Variants in INPP4B observed in about 807,000 individuals in gnomAD.
INPP4B encodes inositol polyphosphate-4-phosphatase type II B.
In INPP4B, 55 loss-of-function variants were observed where a neutral mutation model predicts 122.5. The ratio of observed to expected loss-of-function variants is 0.45; its 90% confidence interval spans 0.36 to 0.56. The LOEUF (loss-of-function observed/expected upper bound fraction) is 0.56, where lower values mean the gene tolerates loss of function less well. Ranked by LOEUF, INPP4B falls within the 20% of genes least tolerant of loss-of-function variation. The probability of loss-of-function intolerance (pLI) is 0.00; values close to 1 mark genes in which losing one functional copy is unlikely to be tolerated. For missense variants in INPP4B, 1,000 were observed against 1,097.7 expected, an observed-to-expected ratio of 0.91 and a Z score of 1.26; for synonymous variants, 403 against 388.7, an observed-to-expected ratio of 1.04 and a Z score of -0.43.
At chr4:142,612,369 G>A (rs113293385) in intron 2 of INPP4B, among the ~76,000 whole-genome samples, 3,812 of 152,330 alleles carry the variant, frequency 0.025, 74 homozygotes, top group Non-Finnish European at 0.041. Context: ...AACACATAGT[G>A]TGTAGAGACT....
At chr4:142,262,361 A>C (rs1740517171) in intron 10 of INPP4B, among the ~76,000 whole-genome samples, 1 of 152,170 alleles carries the variant, frequency 6.6e-6, no homozygotes. Flanking sequence ...CACAAAAAGC[A>C]TGCTGCCACC....
intron 2 of INPP4B, among the ~76,000 whole-genome samples, chr4:142,486,233 C>T (rs1258198907): frequency 1.3e-5 from 2 of 152,228 alleles, no homozygotes; most frequent in South Asian, 2.1e-4. Flanking sequence ...AAGTGGTGTA[C>T]CATTTTCTAC....
intron 7 of INPP4B, among the ~76,000 whole-genome samples, chr4:142,325,333 T>C (rs1012894012): frequency 6.6e-6 from 1 of 152,172 alleles, no homozygotes; most frequent in African/African-American, 2.4e-5. Context: ...AAAAATGCCA[T>C]TTAAATATTG....
intron 2 of INPP4B, among the ~76,000 whole-genome samples, chr4:142,541,616 T>C (rs547484710): frequency 6.6e-6 from 1 of 152,356 alleles, no homozygotes; most frequent in African/African-American, 2.4e-5. Context: ...AGCTGAGCTC[T>C]TGAAATGTAT....
intron 2 of INPP4B, among the ~76,000 whole-genome samples, chr4:142,717,649 C>G (rs536085171): frequency 6.6e-6 from 1 of 151,934 alleles, no homozygotes; most frequent in African/African-American, 2.4e-5. Flanking sequence ...GACAGAAAAC[C>G]AAACACCACA....
At chr4:142,264,419 C>T (rs1369053459) in intron 10 of INPP4B, among the ~76,000 whole-genome samples, 1 of 152,140 alleles carries the variant, frequency 6.6e-6, no homozygotes, top group Admixed American at 6.5e-5. Flanking sequence ...CATAATGCAA[C>T]ATTCATCTAC....
chr4:142,057,636 T>C (rs1283882200), intron 25 of INPP4B, among the ~76,000 whole-genome samples: 2 of 152,106 alleles, frequency 1.3e-5, no homozygotes, highest in Non-Finnish European at 2.9e-5. Flanking sequence ...TTCTCACATA[T>C]TCACAGGCAA....
chr4:142,360,929 A>T (rs533082697), intron 7 of INPP4B, among the ~76,000 whole-genome samples: 1 of 152,040 alleles, frequency 6.6e-6, no homozygotes, highest in South Asian at 2.1e-4. Flanking sequence ...TTATATATAC[A>T]TATCTATATA....
intron 2 of INPP4B, among the ~76,000 whole-genome samples, chr4:142,706,444 T>C (rs1323995764): frequency 6.6e-6 from 1 of 152,222 alleles, no homozygotes; most frequent in Non-Finnish European, 1.5e-5. Flanking sequence ...AATGGCCTTA[T>C]AGAGAGAAAA....
intron 1 of INPP4B, among the ~76,000 whole-genome samples, chr4:142,775,028 A>G (rs1456026029): frequency 1.3e-5 from 2 of 152,068 alleles, no homozygotes; most frequent in African/African-American, 4.8e-5. Flanking sequence ...CTGGTCAAGT[A>G]TTTTGTAGAA....
chr4:142,447,699 A>G (rs1813204306), intron 3 of INPP4B, among the ~76,000 whole-genome samples: 1 of 152,230 alleles, frequency 6.6e-6, no homozygotes, highest in African/African-American at 2.4e-5. Flanking sequence ...AGGAGTTTGA[A>G]CAATAAGCAT....
At chr4:142,806,048 G>C (rs1233108174) in intron 1 of INPP4B, among the ~76,000 whole-genome samples, 1 of 152,112 alleles carries the variant, frequency 6.6e-6, no homozygotes, top group Admixed American at 6.5e-5. Context: ...GGGAGGCCTA[G>C]GCGGGCGGAT....
chr4:142,115,306 GA>G (rs1055236179), intron 21 of INPP4B, among the ~76,000 whole-genome samples: 27 of 152,230 alleles, frequency 1.8e-4, no homozygotes, highest in African/African-American at 5.8e-4. Flanking sequence ...AAGAAATACA[GA>G]GAACACCACA....
chr4:142,690,587 T>C (rs184677267), intron 2 of INPP4B, among the ~76,000 whole-genome samples: 9 of 152,204 alleles, frequency 5.9e-5, no homozygotes, highest in South Asian at 4.2e-4. Flanking sequence ...CAATTTAACA[T>C]TGAAACAATC....
At chr4:142,397,493 C>T (rs942870699) in intron 7 of INPP4B, among the ~76,000 whole-genome samples, 4 of 152,044 alleles carry the variant, frequency 2.6e-5, no homozygotes, top group Admixed American at 6.6e-5. Context: ...AGGTTTTTCT[C>T]CTCTGGTTGA....
chr4:142,817,265 G>C (rs1212673949), intron 1 of INPP4B, among the ~76,000 whole-genome samples: 4 of 152,076 alleles, frequency 2.6e-5, no homozygotes, highest in Non-Finnish European at 1.5e-5. Context: ...TACAGTATAA[G>C]AGTTTTTAGT....
At chr4:142,330,941 T>C (rs1774227687) in intron 7 of INPP4B, among the ~76,000 whole-genome samples, 1 of 152,214 alleles carries the variant, frequency 6.6e-6, no homozygotes, top group African/African-American at 2.4e-5. Context: ...AAGCAAGCAG[T>C]ATTTTCATAA....
At chr4:142,747,020 A>C (rs183261170) in intron 1 of INPP4B, among the ~76,000 whole-genome samples, 14 of 152,314 alleles carry the variant, frequency 9.2e-5, no homozygotes, top group Admixed American at 6.5e-4. Context: ...AAATTGAAAA[A>C]TGGGATCTAA....
At chr4:142,341,260 A>C (rs1778602023) in intron 7 of INPP4B, among the ~76,000 whole-genome samples, 1 of 152,218 alleles carries the variant, frequency 6.6e-6, no homozygotes, top group African/African-American at 2.4e-5. Flanking sequence ...ACATGATGCA[A>C]CATGCACATA....
Sources: allele counts gnomAD v4.1 joint callset (sites outside exome capture counted in the v4.1 genomes callset), GRCh38; gene constraint gnomAD v4.1.1; transcripts MANE v1.5; gene names NCBI Gene and HGNC (gene_info 2026-07-23, HGNC 2026-07-21).